The following CHODL variants were observed in gnomAD, a reference collection of about 807,000 sequenced individuals.
The protein encoded by CHODL is transmembrane protein MT75.
In CHODL, 29 loss-of-function variants were observed where a neutral mutation model predicts 34.5. The ratio of observed to expected loss-of-function variants is 0.84; its 90% CI spans 0.63 to 1.15. The LOEUF is 1.15. CHODL is among the 50% of genes most tolerant of loss of function. The probability of loss-of-function intolerance (pLI) is 0.00; values close to 1 mark genes in which losing one functional copy is unlikely to be tolerated. For synonymous variants in CHODL, 125 were observed against 116.1 expected (o/e 1.08, Z -0.49); for missense variants, 332 against 332.5 (o/e 1.00, Z 0.01).
chr21:18,164,591 A>G, intron 2 of CHODL, among the ~76,000 whole-genome samples: 1 of 152,192 alleles, frequency 6.6e-6, no homozygotes, highest in Non-Finnish European at 1.5e-5. Context: ...CAACTGTTGG[A>G]TGAGTATAAC....
intron 2 of CHODL, among the ~76,000 whole-genome samples, chr21:18,118,626 G>A (rs2065441973): frequency 1.3e-5 from 2 of 152,136 alleles, no homozygotes; most frequent in Non-Finnish European, 2.9e-5. Context: ...CACTATGTCT[G>A]TATGGGACTG....
At chr21:18,221,087 A>C (rs1352778550) in intron 2 of CHODL, among the ~76,000 whole-genome samples, 1 of 151,976 alleles carries the variant, frequency 6.6e-6, no homozygotes, top group East Asian at 1.9e-4. Context: ...CATGCTTTTT[A>C]ATTCTTTTTT....
intron 5 of CHODL, among the ~76,000 whole-genome samples, chr21:18,263,175 C>A (rs1460866376): frequency 6.6e-6 from 1 of 151,896 alleles, no homozygotes; most frequent in Non-Finnish European, 1.5e-5. Flanking sequence ...AGTTAGTGTC[C>A]ACGGTGAATC....
chr21:17,970,596 T>A (rs1004468488), intron 1 of CHODL, among the ~76,000 whole-genome samples: 8 of 152,182 alleles, frequency 5.3e-5, no homozygotes, highest in Admixed American at 4.6e-4. Flanking sequence ...TTTTGTTTTT[T>A]AATTTTTTTT....
At chr21:18,265,107 T>A (rs1384255279) in intron 5 of CHODL, among the ~76,000 whole-genome samples, 1 of 151,646 alleles carries the variant, frequency 6.6e-6, no homozygotes, top group Non-Finnish European at 1.5e-5. Flanking sequence ...GTCAGGCACA[T>A]GTTTGTAGGT....
intron 2 of CHODL, among the ~76,000 whole-genome samples, chr21:18,140,687 A>G (rs2072790046): frequency 6.6e-6 from 1 of 152,156 alleles, no homozygotes; most frequent in South Asian, 2.1e-4. Flanking sequence ...AAAATACTCA[A>G]CATCCTTGCT....
chr21:17,938,603 T>C (rs1041523198), intron 1 of CHODL, among the ~76,000 whole-genome samples: 13 of 150,424 alleles, frequency 8.6e-5, no homozygotes, highest in East Asian at 2.0e-4. Context: ...CTCAGCCTCC[T>C]GAGTAGCTGG....
chr21:17,956,140 T>C (rs1191664810), intron 1 of CHODL, among the ~76,000 whole-genome samples: 1 of 136,472 alleles, frequency 7.3e-6, no homozygotes, highest in African/African-American at 2.5e-5. Flanking sequence ...GTGTTGGAGA[T>C]GGGGCCCAGT....
intron 2 of CHODL, among the ~76,000 whole-genome samples, chr21:18,234,587 A>G (rs1428370342): frequency 6.6e-6 from 1 of 152,098 alleles, no homozygotes; most frequent in Non-Finnish European, 1.5e-5. Context: ...TAATGCAACT[A>G]AAAGGGGAGG....
chr21:18,228,897 A>G (rs1050036256), intron 2 of CHODL, among the ~76,000 whole-genome samples: 1 of 152,188 alleles, frequency 6.6e-6, no homozygotes, highest in South Asian at 2.1e-4. Flanking sequence ...TTAGCTCACC[A>G]ACTTAAAATA....
intron 1 of CHODL, among the ~76,000 whole-genome samples, chr21:17,971,594 T>A (rs1420394668): frequency 6.6e-6 from 1 of 152,192 alleles, no homozygotes; most frequent in East Asian, 1.9e-4. Flanking sequence ...GTTTTTTTCT[T>A]GTAAATTTGT....
chr21:18,211,706 A>G (rs770424492), intron 2 of CHODL, among the ~76,000 whole-genome samples: 2 of 152,344 alleles, frequency 1.3e-5, no homozygotes, highest in Non-Finnish European at 1.5e-5. Flanking sequence ...AAAGTCATCA[A>G]TTTTGAAGAA....
chr21:17,979,018 C>T (rs1430008624), intron 1 of CHODL, among the ~76,000 whole-genome samples: 2 of 152,150 alleles, frequency 1.3e-5, no homozygotes, highest in Non-Finnish European at 2.9e-5. Flanking sequence ...CTTTCCTCTT[C>T]TTTTTCCAGC....
intron 1 of CHODL, among the ~76,000 whole-genome samples, chr21:18,250,316 ATTT>A (rs200355509): frequency 6.6e-6 from 1 of 150,726 alleles, no homozygotes; most frequent in African/African-American, 2.5e-5. Context: ...AAATATTCTG[ATTT>A]TTTAAAAAAA....
At chr21:18,186,214 T>C (rs566473391) in intron 2 of CHODL, among the ~76,000 whole-genome samples, 3 of 152,286 alleles carry the variant, frequency 2.0e-5, no homozygotes, top group Middle Eastern at 3.4e-3. Context: ...ACTTTACTTT[T>C]AGTTTTTGCA....
In CHODL at chr21:18,266,320, A is replaced by G. The variant is rs2074461823; in HGVS notation, c.*282A>G. 3.4e-6 allele frequency: 3 copies of G among 878,184 alleles called. No homozygotes were observed. The highest frequency in any genetic ancestry group is 5.0e-6 in the Non-Finnish European group (3 of 600,160). The allele number at this position is 878,184 out of a possible 1,614,324, so 54.4% of individuals were successfully genotyped here. A position where few individuals can be genotyped will look rare whatever the true frequency, so the allele number is the denominator to read the frequency against. On this transcript the variant is annotated 3_prime_UTR_variant, in exon 6 of 6. Coordinates refer to ENST00000299295, the MANE Select transcript of CHODL (RefSeq NM_024944.3). ...GGACAATGCAGATAAAGTTGTTATC[A>G]ACACGTCGGGAGTATGTGTGTTAGA...
chr21:18,184,146 A>G (rs2073413718), intron 2 of CHODL, among the ~76,000 whole-genome samples: 1 of 152,202 alleles, frequency 6.6e-6, no homozygotes, highest in Admixed American at 6.5e-5. Context: ...AATAGCATAC[A>G]AAGCATCCTA....
At chr21:17,975,474 T>C (rs931655831) in intron 1 of CHODL, among the ~76,000 whole-genome samples, 3 of 152,152 alleles carry the variant, frequency 2.0e-5, no homozygotes, top group African/African-American at 7.2e-5. Flanking sequence ...CTAACTACTT[T>C]AAAATGTTTT....
intron 2 of CHODL, among the ~76,000 whole-genome samples, chr21:18,168,886 A>G (rs2073189960): frequency 2.0e-5 from 3 of 152,192 alleles, no homozygotes; most frequent in African/African-American, 4.8e-5. Flanking sequence ...TAAGAATTCT[A>G]TAGGTTTAGC....
Sources: allele counts gnomAD v4.1 joint callset (sites outside exome capture counted in the v4.1 genomes callset), GRCh38; gene constraint gnomAD v4.1.1; transcripts MANE v1.5; gene names NCBI Gene and HGNC (gene_info 2026-07-23, HGNC 2026-07-21).